The following PRSS23 variants were observed in gnomAD, a reference collection of about 807,000 sequenced individuals.
The protein encoded by PRSS23 is protease, serine 23.
Under a neutral mutation model 34.7 loss-of-function variants are expected in PRSS23, and 25 were observed. That is an observed-to-expected ratio of 0.72 (90% CI 0.53 to 1.01). The LOEUF (loss-of-function observed/expected upper bound fraction) is 1.01, where lower values mean the gene tolerates loss of function less well. PRSS23 is among the 50% of genes least tolerant of loss of function. PRSS23 has a pLI of 0.00. For missense variants in PRSS23, 445 were observed against 475.6 expected, an observed-to-expected ratio of 0.94 and a Z score of 0.60; for synonymous variants, 176 against 186.6, an observed-to-expected ratio of 0.94 and a Z score of 0.46.
At chr11:86,912,345 TATA>T (rs914761989) in intron 2 of PRSS23, 6 of 152,256 alleles carry the variant, frequency 3.9e-5, no homozygotes, top group African/African-American at 1.4e-4. Flanking sequence ...AGCTTTTAGA[TATA>T]ATTTCTTCAA....
At chr11:86,899,131 T>G (rs1273439791) in intron 2 of PRSS23, among the ~76,000 whole-genome samples, 1 of 152,130 alleles carries the variant, frequency 6.6e-6, no homozygotes, top group South Asian at 2.1e-4. Flanking sequence ...CTGGCCAGCA[T>G]GCATTCCTGT....
rs1948575218 is a variant in PRSS23, at chr11:86,856,889, C to A, written c.206+33296C>A. Among the ~76,000 whole-genome samples the A allele has an allele frequency of 2.0e-5, 3 of 152,304 alleles. No individual in the cohort carries two copies. In the South Asian group the frequency reaches 6.2e-4, roughly 32 times the overall value. ...ATGCTAAACAAAGGATCCCAGAATA[C>A]TCACCCATTCCAGTTAAAGGCATAA... is the stretch of plus-strand genomic sequence containing the variant. On this transcript the variant is annotated intron_variant, in intron 2 of 2. Coordinates refer to the PRSS23 transcript ENST00000533902.
At chr11:86,796,595 C>G (rs1485952899), upstream of PRSS23, among the ~76,000 whole-genome samples, 2 of 132,072 alleles carry the variant, frequency 1.5e-5, no homozygotes, top group East Asian at 2.2e-4. Context: ...GAGCCGAGAT[C>G]GCGCCACTGC....
chr11:86,812,604 A>G (rs948381723), downstream of PRSS23, among the ~76,000 whole-genome samples: 27 of 152,142 alleles, frequency 1.8e-4, no homozygotes, highest in Admixed American at 1.5e-3. Context: ...CCCTGCTAAC[A>G]TGCTGAAACC....
intron 1 of PRSS23, chr11:86,821,322 GT>G: frequency 1.5e-6 from 1 of 661,208 alleles, no homozygotes; most frequent in Non-Finnish European, 2.5e-6. Context: ...AAATAAACAT[GT>G]GAAAATATTC....
intron 2 of PRSS23, among the ~76,000 whole-genome samples, chr11:86,863,037 G>A (rs893190021): frequency 6.6e-6 from 1 of 151,920 alleles, no homozygotes; most frequent in Non-Finnish European, 1.5e-5. Context: ...TATCACTGTG[G>A]GAGCACATCC....
intron 2 of PRSS23, among the ~76,000 whole-genome samples, chr11:86,859,680 C>T (rs1028866972): frequency 5.9e-5 from 9 of 151,880 alleles, no homozygotes; most frequent in African/African-American, 1.9e-4. Context: ...TGATATTACT[C>T]CCAATATCCC....
chr11:86,952,363 G>A, exon 3 of PRSS23: 1 of 1,614,194 alleles, frequency 6.2e-7, no homozygotes, highest in Non-Finnish European at 8.5e-7. Context: ...ATTCCTTCAG[G>A]ACGGGTTCAC....
In PRSS23 at chr11:86,951,140, C is replaced by A. The variant is rs61749246; in HGVS notation, c.207-76C>A. On this transcript the variant is annotated intron_variant, in intron 2 of 2. Transcript: ENST00000533902. ...TGAAGAAAGCATGGAGGCTGACTAGCCTTATACCACAGTCTCACTGCCTTT... is the reference window on the plus strand; with the variant it reads ...TGAAGAAAGCATGGAGGCTGACTAGACTTATACCACAGTCTCACTGCCTTT... The A allele has an allele frequency of 0.022, 35,324 of 1,613,762 alleles. 466 individuals are homozygous for A. Among genetic ancestry groups the A allele is most frequent in the Middle Eastern group, 0.028 (172 of 6,062 alleles).
intron 2 of PRSS23, among the ~76,000 whole-genome samples, chr11:86,827,765 C>T (rs1489148340): frequency 1.3e-5 from 2 of 152,180 alleles, no homozygotes; most frequent in African/African-American, 4.8e-5. Context: ...AGTAGTCATT[C>T]AGGAGCAGGT....
At chr11:86,849,413 TG>T (rs1044845391) in intron 2 of PRSS23, among the ~76,000 whole-genome samples, 25 of 152,316 alleles carry the variant, frequency 1.6e-4, no homozygotes, top group African/African-American at 5.1e-4. Context: ...ATTACCCATT[TG>T]TTGTCCCCTA....
chr11:86,838,537 G>C (rs1393698876), intron 2 of PRSS23, among the ~76,000 whole-genome samples: 1 of 152,180 alleles, frequency 6.6e-6, no homozygotes, highest in African/African-American at 2.4e-5. Flanking sequence ...TCACTTCTGG[G>C]GGCAGGGCAT....
At chr11:86,823,507 A>G in exon 2 of PRSS23, 2 of 702,542 alleles carry the variant, frequency 2.8e-6, no homozygotes, top group Non-Finnish European at 5.2e-6. Context: ...AATACCAACT[A>G]GGTTCCAGGA....
intron 2 of PRSS23, among the ~76,000 whole-genome samples, chr11:86,917,342 G>C (rs905817241): frequency 1.3e-5 from 2 of 152,192 alleles, no homozygotes; most frequent in African/African-American, 2.4e-5. Flanking sequence ...ATTTGTGATC[G>C]TGGGCCTCTG....
chr11:86,801,488 T>C (rs1948037569), intron 1 of PRSS23, among the ~76,000 whole-genome samples: 1 of 152,162 alleles, frequency 6.6e-6, no homozygotes, highest in Non-Finnish European at 1.5e-5. Flanking sequence ...CAGCTCAGTG[T>C]AGGTATTGGA....
chr11:86,873,077 T>C (rs1311730921), intron 2 of PRSS23, among the ~76,000 whole-genome samples: 1 of 152,076 alleles, frequency 6.6e-6, no homozygotes, highest in East Asian at 1.9e-4. Flanking sequence ...TCAGGGGCTA[T>C]GGTGGACACC....
chr11:86,873,730 G>A (rs1948704121), intron 2 of PRSS23, among the ~76,000 whole-genome samples: 1 of 152,166 alleles, frequency 6.6e-6, no homozygotes, highest in South Asian at 2.1e-4. Context: ...TGCAAGATGT[G>A]AAATTTGTGA....
chr11:86,841,131 G>A (rs1948444069), intron 2 of PRSS23, among the ~76,000 whole-genome samples: 1 of 152,054 alleles, frequency 6.6e-6, no homozygotes, highest in African/African-American at 2.4e-5. Context: ...CCTGAGGTCA[G>A]GAGTTCGAGA....
intron 2 of PRSS23, among the ~76,000 whole-genome samples, chr11:86,875,537 A>G (rs189378136): frequency 2.4e-4 from 36 of 152,326 alleles, no homozygotes; most frequent in African/African-American, 8.2e-4. Flanking sequence ...ATGTTTTGTG[A>G]GTCTATGGCA....
Sources: gnomAD v4.1 joint callset for allele counts (sites outside exome capture counted in the v4.1 genomes callset) on GRCh38, gnomAD v4.1.1 for gene constraint, MANE v1.5 for transcripts, NCBI Gene and HGNC (gene_info 2026-07-23, HGNC 2026-07-21) for gene names.